The following CTNNBL1 variants were observed in gnomAD, a reference collection of about 807,000 sequenced individuals.
CTNNBL1 encodes the protein catenin beta like 1.
CTNNBL1 carries 31 observed loss-of-function variants against 72.7 expected under a neutral mutation model. The ratio of observed to expected loss-of-function variants is 0.43; its 90% confidence interval spans 0.32 to 0.58. The LOEUF is 0.58. Among genes scored for constraint, CTNNBL1 ranks in the 20% least tolerant of loss-of-function variants. CTNNBL1 has a pLI of 0.08. For synonymous variants in CTNNBL1, 240 were observed against 267.3 expected, an observed-to-expected ratio of 0.90 and a Z score of 1.00; for missense variants, 534 against 725.1, an observed-to-expected ratio of 0.74 and a Z score of 3.03.
At chr20:37,746,377 C>G in intron 3 of CTNNBL1, 91 bp from the exon 4 acceptor site, 1 of 1,401,900 alleles carries the variant, frequency 7.1e-7, no homozygotes, top group Non-Finnish European at 9.9e-7. Flanking sequence ...GACACTTTGA[C>G]AGATTGCCTT....
intron 15 of CTNNBL1, among the ~76,000 whole-genome samples, chr20:37,870,585 G>A (rs559436787): frequency 1.3e-3 from 201 of 152,140 alleles, no homozygotes; most frequent in African/African-American, 4.7e-3. Flanking sequence ...TGAAGACGTC[G>A]CCTCACCTCC....
intron 11 of CTNNBL1, among the ~76,000 whole-genome samples, chr20:37,837,534 A>G (rs1337305637): frequency 6.6e-6 from 1 of 152,210 alleles, no homozygotes; most frequent in Non-Finnish European, 1.5e-5. Flanking sequence ...GCCCTCAGAA[A>G]AAGCTGTTTA....
chr20:37,759,224 G>A (rs915068384), intron 5 of CTNNBL1, among the ~76,000 whole-genome samples: 16 of 152,266 alleles, frequency 1.1e-4, no homozygotes, highest in African/African-American at 3.4e-4. Flanking sequence ...TTGGGATGTC[G>A]TTTTGTTTTG....
rs397866131 is a variant in CTNNBL1 at position 37,848,146 on chromosome 20, CTT to C, written c.1392+5747_1392+5748del. 4.6e-3 allele frequency among the ~76,000 whole-genome samples: 407 copies of C among 87,768 alleles called. 2 individuals are homozygous for C. The highest frequency in any genetic ancestry group is 6.3e-3 in the Middle Eastern group (1 of 158). 57.6% of individuals were successfully genotyped at this position (87,768 alleles called of 152,430 possible). A position where few individuals can be genotyped will look rare whatever the true frequency, so the allele number is the denominator to read the frequency against. Reference sequence around the variant, plus strand: ...CTCCCAGCTCCCTTCCCACTGCCAGCTTTTTTTTTTTTTTTTTTTTTGAGACA... The same window carrying C: ...CTCCCAGCTCCCTTCCCACTGCCAGCTTTTTTTTTTTTTTTTTTTGAGACA... On this transcript the variant is annotated intron_variant, in intron 13 of 15. Transcript: ENST00000361383.
intron 8 of CTNNBL1, 57 bp downstream of exon 8, chr20:37,777,474 G>T: frequency 6.5e-7 from 1 of 1,549,780 alleles, no homozygotes; most frequent in South Asian, 1.1e-5. Flanking sequence ...GCTTGTTTCA[G>T]ATCATGACAG....
intron 11 of CTNNBL1, among the ~76,000 whole-genome samples, chr20:37,808,303 TCAGAGCTCCCACG>T (rs2071978200): frequency 6.6e-6 from 1 of 152,114 alleles, no homozygotes; most frequent in Non-Finnish European, 1.5e-5. Flanking sequence ...GGAAATCGGG[TCAGAGCTCCCACG>T]CCGCCTCCTA....
rs1359071712 is a variant in CTNNBL1, at chr20:37,777,381, A to G, written c.787A>G (p.Ser263Gly). The change falls in exon 8 of 16, where the codon AGT becomes GGT. Residue 263 changes from serine (S) to glycine (G), a missense_variant. Physicochemically the swap from Ser to Gly is moderately conservative, Grantham distance 56. Transcript: ENST00000361383. ...MPFDANKLYC[S>G]EVLAILLQDN... Reference sequence around the variant, plus strand: ...TTTTGATGCCAACAAACTGTATTGCAGTGAAGTGCTGGCCATATTGCTCCA... The same window carrying G: ...TTTTGATGCCAACAAACTGTATTGCGGTGAAGTGCTGGCCATATTGCTCCA... 1 of 1,613,808 alleles carries G rather than the reference A, an allele frequency of 6.2e-7. No individual in the cohort carries two copies. The highest frequency in any genetic ancestry group is 1.3e-5 in the African/African-American group (1 of 74,910).
chr20:37,826,852 G>A (rs1279566325), intron 11 of CTNNBL1, among the ~76,000 whole-genome samples: 1 of 152,202 alleles, frequency 6.6e-6, no homozygotes, highest in East Asian at 1.9e-4. Flanking sequence ...AATTAACTGA[G>A]TGTCGTATGT....
chr20:37,869,864 C>T (rs1454187277), intron 15 of CTNNBL1, among the ~76,000 whole-genome samples: 1 of 152,154 alleles, frequency 6.6e-6, no homozygotes, highest in Non-Finnish European at 1.5e-5. Flanking sequence ...GCCTTTTCCT[C>T]TCTGGCTGTG....
intron 11 of CTNNBL1, chr20:37,832,446 G>A (rs1189251907): frequency 2.6e-5 from 4 of 152,174 alleles, no homozygotes; most frequent in African/African-American, 9.7e-5. Context: ...TCATTTGAAA[G>A]AATGGGTTTA....
chr20:37,871,784 C>T, intron 15 of CTNNBL1, 141 bp from the exon 16 acceptor site: 1 of 674,218 alleles, frequency 1.5e-6, no homozygotes, highest in Non-Finnish European at 2.6e-6. Context: ...GGCAAGACCC[C>T]AAGGAATTTG....
At chr20:37,828,397 T>TA (rs1266515136) in intron 11 of CTNNBL1, among the ~76,000 whole-genome samples, 24 of 152,020 alleles carry the variant, frequency 1.6e-4, no homozygotes, top group South Asian at 4.2e-4. Context: ...CTTTTTTTTT[T>TA]AAAAATATGC....
At chr20:37,726,297 C>A (rs534940269) in intron 1 of CTNNBL1, among the ~76,000 whole-genome samples, 128 of 152,272 alleles carry the variant, frequency 8.4e-4, no homozygotes, top group Admixed American at 2.0e-3. Flanking sequence ...CTAAAATAGC[C>A]ACTAGTCTGT....
chr20:37,798,217 A>G lies in CTNNBL1; in HGVS notation c.1032-4650A>G, dbSNP rs138979454. Among the ~76,000 whole-genome samples, 45 of 152,348 alleles carry G rather than the reference A, an allele frequency of 3.0e-4. No homozygotes were observed. In the East Asian group the frequency reaches 6.7e-3, roughly 23 times the overall value. On this transcript the variant is annotated intron_variant, in intron 10 of 15. Transcript: ENST00000361383. ...TTGATGAGGGAACAAATGAACAAAGAAAATCATACTCAGAATCTGTGTTTA... is the reference window on the plus strand; with the variant it reads ...TTGATGAGGGAACAAATGAACAAAGGAAATCATACTCAGAATCTGTGTTTA...
intron 7 of CTNNBL1, among the ~76,000 whole-genome samples, chr20:37,773,909 C>CTTTTTTTTTTTTTTTTT (rs1176688817): frequency 9.6e-6 from 1 of 104,646 alleles, no homozygotes; most frequent in Non-Finnish European, 1.9e-5. Flanking sequence ...TTCTTTCTCT[C>CTTTTTTTTTTTTTTTTT]TTTTTTTTTT....
chr20:37,796,551 T>C (rs1451994563), intron 10 of CTNNBL1, among the ~76,000 whole-genome samples: 1 of 152,126 alleles, frequency 6.6e-6, no homozygotes, highest in African/African-American at 2.4e-5. Context: ...TGACACTTTT[T>C]AAGCTACATT....
chr20:37,710,163 C>A (rs983122896), intron 1 of CTNNBL1, among the ~76,000 whole-genome samples: 4 of 152,246 alleles, frequency 2.6e-5, no homozygotes, highest in African/African-American at 9.6e-5. Context: ...TCAGGAGCAT[C>A]ATTATGAATA....
intron 11 of CTNNBL1, among the ~76,000 whole-genome samples, chr20:37,827,087 GA>G (rs1485280981): frequency 1.3e-5 from 2 of 152,220 alleles, no homozygotes; most frequent in East Asian, 3.9e-4. Context: ...CCTATCAATG[GA>G]CTCATTCAGT....
chr20:37,727,268 G>A, intron 1 of CTNNBL1: 1 of 849,120 alleles, frequency 1.2e-6, no homozygotes, highest in Non-Finnish European at 1.4e-6. Context: ...CTCCTTCAAA[G>A]CTTTCATGAA....
Sources: allele counts gnomAD v4.1 joint callset (sites outside exome capture counted in the v4.1 genomes callset), GRCh38; gene constraint gnomAD v4.1.1; transcripts MANE v1.5; gene names NCBI Gene and HGNC (gene_info 2026-07-23, HGNC 2026-07-21).